The following NUP37 variants were observed in gnomAD, a reference collection of about 807,000 sequenced individuals.
The protein encoded by NUP37 is nucleoporin Nup37.
Under a neutral mutation model 45.4 loss-of-function variants are expected in NUP37, and 33 were observed. That is an observed-to-expected ratio of 0.73 (90% CI 0.55 to 0.97). NUP37 has a LOEUF of 0.97. NUP37 is among the 50% of genes least tolerant of loss of function. The pLI, the probability that NUP37 is intolerant of heterozygous loss-of-function variation, is 0.00. For synonymous variants in NUP37, 127 were observed against 130.7 expected, an observed-to-expected ratio of 0.97 and a Z score of 0.19; for missense variants, 365 against 389.7, an observed-to-expected ratio of 0.94 and a Z score of 0.53.
intron 3 of NUP37, among the ~76,000 whole-genome samples, chr12:102,107,876 T>C: frequency 6.6e-6 from 1 of 152,160 alleles, no homozygotes; most frequent in Admixed American, 6.5e-5. Flanking sequence ...ATTATCCTAA[T>C]AAACATGAAA....
chr12:102,104,998 C>T (rs1332140509), intron 3 of NUP37, among the ~76,000 whole-genome samples: 1 of 152,084 alleles, frequency 6.6e-6, no homozygotes, highest in Non-Finnish European at 1.5e-5. Context: ...TTGATAAAGA[C>T]GTCATTGAAT....
chr12:102,098,642 T>C (rs1203604521), intron 5 of NUP37, among the ~76,000 whole-genome samples: 1 of 151,944 alleles, frequency 6.6e-6, no homozygotes, highest in Non-Finnish European at 1.5e-5. Context: ...AGCGATTCCC[T>C]TGCCTCAGTC....
At chr12:102,085,445 A>G (rs576563590) in intron 6 of NUP37, among the ~76,000 whole-genome samples, 1 of 152,224 alleles carries the variant, frequency 6.6e-6, no homozygotes, top group East Asian at 1.9e-4. Context: ...CAAAAACAAA[A>G]GAAAAACCAA....
intron 2 of NUP37, among the ~76,000 whole-genome samples, chr12:102,117,081 T>C (rs528758717): frequency 1.3e-5 from 2 of 152,336 alleles, no homozygotes; most frequent in East Asian, 1.9e-4. Context: ...ACTTTAGTGA[T>C]AGTTATTTTA....
Position 102,077,331 on chromosome 12 carries a change from G to C in NUP37, c.713C>G (p.Thr238Ser). Residue 238 changes from threonine to serine, a missense_variant, in exon 7 of 10, where the codon ACT becomes AGT. Physicochemically the swap from Thr to Ser is moderately conservative, Grantham distance 58. Coordinates refer to ENST00000552283, the MANE Select transcript of NUP37 (RefSeq NM_024057.4). ...CATATCAAGAAAGTACCTGGACCGA[G>C]TAATATCCCAAATTAACCAATCATT... ...AGNDWLIWDI[T>S]RSSYPQNKRP... is the part of the protein sequence containing the mutation. 6.2e-7 allele frequency: 1 copy of C among 1,614,082 alleles called. No individual in the cohort carries two copies. The highest frequency in any genetic ancestry group is 8.5e-7 in the Non-Finnish European group (1 of 1,179,978).
chr12:102,091,910 T>A (rs1879668416), intron 5 of NUP37, among the ~76,000 whole-genome samples: 2 of 152,194 alleles, frequency 1.3e-5, no homozygotes, highest in Admixed American at 6.5e-5. Context: ...TTGCTTCATT[T>A]CAGGCCGAGT....
intron 5 of NUP37, among the ~76,000 whole-genome samples, chr12:102,091,408 A>G (rs1879649486): frequency 1.3e-5 from 2 of 148,728 alleles, no homozygotes; most frequent in Admixed American, 1.3e-4. Flanking sequence ...TCAAAAAAAA[A>G]AAAAAAAAAA....
chr12:102,074,501 T>TA, intron 9 of NUP37, 34 bp from the exon 10 acceptor site: 1 of 1,220,670 alleles, frequency 8.2e-7, no homozygotes. Flanking sequence ...AGAAGCACAG[T>TA]AAGTCCCCAA....
intron 5 of NUP37, among the ~76,000 whole-genome samples, chr12:102,087,268 A>G (rs565859370): frequency 3.3e-5 from 5 of 152,370 alleles, no homozygotes; most frequent in African/African-American, 9.6e-5. Context: ...TTTATTTCAA[A>G]GAAAGTAGAG....
intron 3 of NUP37, among the ~76,000 whole-genome samples, chr12:102,102,532 A>T (rs1880002495): frequency 6.6e-6 from 1 of 152,202 alleles, no homozygotes; most frequent in African/African-American, 2.4e-5. Flanking sequence ...TATGATTTGC[A>T]AATATTTTCT....
Position 102,074,382 on chromosome 12 carries a change from T to C in NUP37, c.953A>G (p.Lys318Arg), listed in dbSNP as rs1222553936. 2.5e-6 allele frequency: 4 copies of C among 1,612,954 alleles called. No homozygotes were observed. The highest frequency in any genetic ancestry group is 3.4e-6 in the Non-Finnish European group (4 of 1,179,250). The change falls in exon 10 of 10, where the codon AAG (lysine) becomes AGG (arginine). Residue 318 changes from lysine to arginine, a missense_variant. Physicochemically the swap from Lys to Arg is conservative, Grantham distance 26. Transcript: ENST00000552283. ...LPLCVIGGDHKLLFWVTEV is the reference protein window; with the variant it reads ...LPLCVIGGDHRLLFWVTEV The stretch of plus-strand genomic sequence containing the variant: ...TACTTCAGTCACCCAAAACAACAGC[T>C]TGTGGTCTCCTCCAATTACACACAG...
intron 2 of NUP37, among the ~76,000 whole-genome samples, chr12:102,112,524 T>C (rs1293012595): frequency 1.3e-5 from 2 of 152,148 alleles, no homozygotes; most frequent in African/African-American, 2.4e-5. Context: ...TGGTCAGGCG[T>C]GTTGGCTCAC....
At chr12:102,076,603 G>T (rs139489080) in intron 8 of NUP37, among the ~76,000 whole-genome samples, 194 bp downstream of exon 8, 1,950 of 152,102 alleles carry the variant, frequency 0.013, 14 homozygotes, top group Middle Eastern at 0.02. Flanking sequence ...GAAAATATTT[G>T]GAAAACAAAT....
At chr12:102,079,568 T>A (rs945733073) in intron 6 of NUP37, among the ~76,000 whole-genome samples, 8 of 152,222 alleles carry the variant, frequency 5.3e-5, no homozygotes, top group Admixed American at 3.9e-4. Context: ...ACTTAATATA[T>A]ACTGATTCAT....
intron 3 of NUP37, among the ~76,000 whole-genome samples, chr12:102,110,964 C>CATA (rs1880297311): frequency 6.6e-6 from 1 of 152,210 alleles, no homozygotes; most frequent in Admixed American, 6.5e-5. Flanking sequence ...CATACATCTA[C>CATA]CCTGTGACTC....
rs370470369 is a variant in NUP37 at position 102,093,419 on chromosome 12, C to G, written c.449+5687G>C. 1.1e-4 allele frequency among the ~76,000 whole-genome samples: 17 copies of G among 152,120 alleles called. 1 individual carries two copies. Among genetic ancestry groups the G allele is most frequent in the Admixed American group, 2.0e-4 (3 of 15,286 alleles). Reference sequence around the variant, plus strand: ...TAACATCTCATTTAACTTATACAGACAGATAAATTTTTGAAGGATGGAAAT... The same window carrying G: ...TAACATCTCATTTAACTTATACAGAGAGATAAATTTTTGAAGGATGGAAAT... On this transcript the variant is annotated intron_variant, in intron 5 of 9. Coordinates refer to ENST00000552283, the MANE Select transcript of NUP37 (RefSeq NM_024057.4).
In NUP37 at chr12:102,103,043, C is replaced by CT. The variant is rs61577226; in HGVS notation, c.282-1940dup. 1.7e-3 allele frequency among the ~76,000 whole-genome samples: 255 copies of CT among 151,796 alleles called. 2 individuals carry two copies. Among genetic ancestry groups the CT allele is most frequent in the African/African-American group, 5.4e-3 (223 of 41,436 alleles). On this transcript the variant is annotated intron_variant, in intron 3 of 9. Coordinates refer to ENST00000552283, the MANE Select transcript of NUP37 (RefSeq NM_024057.4). The stretch of plus-strand genomic sequence containing the variant: ...GTAGTGTGATGCCTCCGGGTTTGTT[C>CT]TTTTTTTTGCTCAAAATTGCTTTGG...
rs767961584 is a variant in NUP37, at chr12:102,077,366, G to T, written c.678C>A (p.Ala226=). The T allele has an allele frequency of 1.9e-6, 3 of 1,614,048 alleles. No homozygotes were observed. Among genetic ancestry groups the T allele is most frequent in the Non-Finnish European group, 2.5e-6 (3 of 1,179,996 alleles). ...WCLKNTFKVG[A]VAGNDWLIWD... ...AAATTAACCAATCATTTCCTGCAAC[G>T]GCTCCAACTTTGAAGGTGTTTTTTA... Residue 226 remains alanine (A), a synonymous_variant, in exon 7 of 10, where the codon GCC becomes GCA. Transcript: ENST00000552283.
chr12:102,095,725 T>C (rs1365787461), intron 5 of NUP37, among the ~76,000 whole-genome samples: 1 of 152,142 alleles, frequency 6.6e-6, no homozygotes, highest in African/African-American at 2.4e-5. Flanking sequence ...TGACATCCTA[T>C]GATTTATCTT....
Sources: gnomAD v4.1 joint callset for allele counts (sites outside exome capture counted in the v4.1 genomes callset) on GRCh38, gnomAD v4.1.1 for gene constraint, MANE v1.5 for transcripts, NCBI Gene and HGNC (gene_info 2026-07-23, HGNC 2026-07-21) for gene names.